Variants in CAPRIN2 observed in about 807,000 individuals in gnomAD.
The protein encoded by CAPRIN2 is caprin-2.
In CAPRIN2, 66 loss-of-function variants were observed where a neutral mutation model predicts 130.4. That is an observed-to-expected ratio of 0.51 (90% confidence interval 0.42 to 0.62). CAPRIN2 has a LOEUF of 0.62. CAPRIN2 is among the 20% of genes least tolerant of loss of function. The pLI, the probability that CAPRIN2 is intolerant of heterozygous loss-of-function variation, is 0.00. For synonymous variants in CAPRIN2, 471 were observed against 444.1 expected (o/e 1.06, Z -0.76); for missense variants, 1,185 against 1,246.6 (o/e 0.95, Z 0.74).
At chr12:30,716,008 A>G (rs1162439845) in intron 13 of CAPRIN2, 5 of 155,030 alleles carry the variant, frequency 3.2e-5, no homozygotes, top group African/African-American at 1.2e-4. Context: ...AAATTAAGAA[A>G]TGAGTACAAA....
rs142542172 is a variant in CAPRIN2, at chr12:30,742,235, T to C, written c.484-1129A>G. ...TGGGTTTACTTTGTGTTAAGTATAT[T>C]ATACCTCAATAGTGTTGGAAAAAAC... On this transcript the variant is annotated intron_variant, in intron 2 of 16. Coordinates refer to ENST00000298892, the Ensembl canonical transcript of CAPRIN2. 2.6e-5 allele frequency among the ~76,000 whole-genome samples: 4 copies of C among 152,294 alleles called. No individual in the cohort carries two copies. In the East Asian group the frequency reaches 7.7e-4, roughly 29 times the overall value.
At chr12:30,753,223 GCAGCTAAA>G in intron 1 of CAPRIN2, 113 bp downstream of exon 2, 1 of 725,826 alleles carries the variant, frequency 1.4e-6, no homozygotes, top group South Asian at 2.0e-5. Context: ...CTTGTTTAAA[GCAGCTAAA>G]CCTAAGGTTA....
exon 12 of CAPRIN2, chr12:30,720,914 G>C (rs1379884500): frequency 1.2e-6 from 2 of 1,603,668 alleles, no homozygotes; most frequent in East Asian, 4.5e-5. Flanking sequence ...AGAAGAAGTA[G>C]CCTAGACACA....
chr12:30,733,195 C>T (rs553930117), intron 5 of CAPRIN2, among the ~76,000 whole-genome samples: 1 of 152,094 alleles, frequency 6.6e-6, no homozygotes, highest in Non-Finnish European at 1.5e-5. Flanking sequence ...CCACAGACCA[C>T]TTCCAGATCA....
chr12:30,742,248 T>C (rs1201338842), intron 2 of CAPRIN2, among the ~76,000 whole-genome samples: 3 of 152,048 alleles, frequency 2.0e-5, no homozygotes, highest in Admixed American at 2.0e-4. Flanking sequence ...ACCTCAATAG[T>C]GTTGGAAAAA....
chr12:30,726,421 A>G (rs990884119), intron 8 of CAPRIN2, among the ~76,000 whole-genome samples: 3 of 138,464 alleles, frequency 2.2e-5, no homozygotes, highest in South Asian at 2.3e-4. Context: ...AGACATACCA[A>G]TGATTTTTTT....
intron 12 of CAPRIN2, chr12:30,719,087 T>C (rs1344367861): frequency 1.2e-6 from 2 of 1,613,494 alleles, no homozygotes; most frequent in East Asian, 2.2e-5. Flanking sequence ...ACTGTCTGCA[T>C]GGCTTGAAAG....
chr12:30,727,952 GAA>G (rs979330348), intron 8 of CAPRIN2, among the ~76,000 whole-genome samples: 2 of 152,146 alleles, frequency 1.3e-5, no homozygotes, highest in Non-Finnish European at 2.9e-5. Flanking sequence ...TAACTTGTCA[GAA>G]AAAGTTATTC....
intron 2 of CAPRIN2, among the ~76,000 whole-genome samples, chr12:30,743,478 C>T (rs976996498): frequency 6.6e-6 from 1 of 152,136 alleles, no homozygotes; most frequent in Non-Finnish European, 1.5e-5. Context: ...TTATAGCTCT[C>T]ATTTTGGTTG....
At position 30,741,111 on chromosome 12, in the gene CAPRIN2, C is replaced by A. The variant is rs1469337360; in HGVS notation, c.484-5G>T. On this transcript the variant is annotated splice_region_variant and splice_polypyrimidine_tract_variant and intron_variant, in intron 2 of 16. Transcript: ENST00000298892. ...TTCATATTTCTCTACAGCTTCCTACCAAATAGGATAAGAAAACATAAATTT... is the reference window on the plus strand; with the variant it reads ...TTCATATTTCTCTACAGCTTCCTACAAAATAGGATAAGAAAACATAAATTT... The A allele has an allele frequency of 6.4e-7, 1 of 1,558,566 alleles. No individual in the cohort carries two copies.
intron 15 of CAPRIN2, among the ~76,000 whole-genome samples, chr12:30,713,539 G>A (rs1456078081): frequency 1.3e-5 from 2 of 152,172 alleles, no homozygotes; most frequent in African/African-American, 2.4e-5. Flanking sequence ...ATGAGTTAAT[G>A]CAAACAACAT....
chr12:30,754,249 C>CGA, exon 1 of CAPRIN2: 1 of 155,196 alleles, frequency 6.4e-6, no homozygotes, highest in Admixed American at 6.3e-5. Context: ...TTTAGACTAG[C>CGA]CCAAAACCGC....
chr12:30,727,273 G>A (rs1031877911), intron 8 of CAPRIN2, among the ~76,000 whole-genome samples: 2 of 152,026 alleles, frequency 1.3e-5, no homozygotes, highest in South Asian at 2.1e-4. Flanking sequence ...TCTTCTGTAG[G>A]GTCAGGAAGA....
At chr12:30,740,000 C>G (rs2066680793) in intron 3 of CAPRIN2, among the ~76,000 whole-genome samples, 1 of 152,172 alleles carries the variant, frequency 6.6e-6, no homozygotes, top group Non-Finnish European at 1.5e-5. Context: ...AAGTATACTT[C>G]TAACCATATT....
At chr12:30,729,506 T>C (rs374646026) in intron 7 of CAPRIN2, among the ~76,000 whole-genome samples, 181 bp from the exon 9 acceptor site, 23 of 152,316 alleles carry the variant, frequency 1.5e-4, no homozygotes, top group Middle Eastern at 3.4e-3. Flanking sequence ...TACTTTTCTG[T>C]CCATTCCTTT....
intron 2 of CAPRIN2, among the ~76,000 whole-genome samples, chr12:30,741,476 C>G (rs892107218): frequency 1.3e-5 from 2 of 152,034 alleles, no homozygotes; most frequent in African/African-American, 4.8e-5. Flanking sequence ...CGGTGAGTAT[C>G]AGAGAGATGA....
rs537539454 is a variant in CAPRIN2, at chr12:30,744,491, C to G, written c.484-3385G>C. Among the ~76,000 whole-genome samples the G allele has an allele frequency of 5.3e-5, 8 of 152,270 alleles. No homozygotes were observed. The East Asian group carries it at 1.2e-3, about 22-fold the overall frequency. ...AGGCTCTTTGTAAAAAACCAAAAAT[C>G]TGTTCCTTCTCAGAGCCTTTACGCA... On this transcript the variant is annotated intron_variant, in intron 2 of 16. Transcript: ENST00000298892.
Position 30,728,985 on chromosome 12 carries a change from C to T in CAPRIN2, c.1445G>A (p.Gly482Glu). ...TTTCTTTTGTTCCTCTTGAACATAC[C>T]CTGCTTTGGATTTAGGTGTATCTTG... Residue 482 changes from glycine to glutamate, a missense_variant, in exon 8 of 17, where the codon GGG becomes GAG. Gly to Glu is a moderately conservative substitution (Grantham distance 98). This residue lies in a region of CAPRIN2 where 1,104 missense variants were observed against 1,104.3 expected (regional missense o/e 1.00). Transcript: ENST00000298892. 4 of 1,614,080 alleles carry T rather than the reference C, an allele frequency of 2.5e-6. No individual in the cohort carries two copies. In the South Asian group the frequency reaches 4.4e-5, roughly 18 times the overall value.
rs769249283 is a variant in CAPRIN2 at position 30,734,952 on chromosome 12, CT to C, written c.809+15del. On this transcript the variant is annotated intron_variant, in intron 4 of 16. Coordinates refer to ENST00000298892, the Ensembl canonical transcript of CAPRIN2. ...GTCAAGTGTTTCATTTCAGGAAAAT[CT>C]TTTCATTAGCTTACCTCAGACTTTC... The C allele has an allele frequency of 6.4e-7, 1 of 1,566,154 alleles. No individual in the cohort carries two copies. Among genetic ancestry groups the C allele is most frequent in the Non-Finnish European group, 8.8e-7 (1 of 1,136,926 alleles).
Sources: allele counts gnomAD v4.1 joint callset (sites outside exome capture counted in the v4.1 genomes callset), GRCh38; gene constraint gnomAD v4.1.1; regional missense constraint gnomAD v4.1.1; transcripts MANE v1.5; gene names NCBI Gene and HGNC (gene_info 2026-07-23, HGNC 2026-07-21).